Variants in SPTBN2 observed in about 807,000 individuals in gnomAD.
SPTBN2 encodes the protein spectrin beta chain, non-erythrocytic 2.
In SPTBN2, 107 loss-of-function variants were observed where a neutral mutation model predicts 284.2. That is an observed-to-expected ratio of 0.38 (90% CI 0.32 to 0.44). The LOEUF (loss-of-function observed/expected upper bound fraction) is 0.44, where lower values mean the gene tolerates loss of function less well. Among genes scored for constraint, SPTBN2 ranks in the 20% least tolerant of loss-of-function variants. The pLI is 1.00. For missense variants in SPTBN2, 2,569 were observed against 3,287.1 expected (o/e 0.78, Z 5.34); for synonymous variants, 1,289 against 1,354.8 (o/e 0.95, Z 1.07).
At position 66,691,378 on chromosome 11, in the gene SPTBN2, A is replaced by AGCT. The variant is rs1940534700; in HGVS notation, c.5468_5470dup (p.Gln1823dup). 6 of 1,597,080 alleles carry AGCT rather than the reference A, an allele frequency of 3.8e-6. No homozygotes were observed. The highest frequency in any genetic ancestry group is 5.1e-6 in the Non-Finnish European group (6 of 1,168,210). On this transcript the variant is annotated inframe_insertion, in exon 27 of 38. Transcript: ENST00000533211. This position sits in a 1 kb window ranked among gnomAD's most constrained non-coding sequence, Gnocchi z 8.0. ...GAGGTCGCGGCCAGTCCCGTCCGGA[A>AGCT]GCTGCTGCTGCTTGTGCTGCACCCG... is the stretch of plus-strand genomic sequence containing the variant.
At chr11:66,702,958 A>AC (rs1281381883) in intron 15 of SPTBN2, among the ~76,000 whole-genome samples, 1 of 151,334 alleles carries the variant, frequency 6.6e-6, no homozygotes, top group Non-Finnish European at 1.5e-5. Context: ...AAAAAAAAAA[A>AC]AACCAAAAAA....
In SPTBN2 at chr11:66,716,071, C is replaced by T. The variant is rs73505443; in HGVS notation, c.158-90G>A. The T allele has an allele frequency of 9.0e-4, 1,418 of 1,574,828 alleles. 12 individuals carry two copies. In the African/African-American group the frequency reaches 0.016, roughly 18 times the overall value. ...TTGGCAGGGGTGGGGGATGGAGAAG[C>T]CTGAGAGATGGGAAGCGGGGTCCTC... On this transcript the variant is annotated intron_variant, in intron 3 of 37. Coordinates refer to ENST00000533211, the MANE Select transcript of SPTBN2 (RefSeq NM_006946.4).
At chr11:66,730,371 C>G (rs1942788285), upstream of SPTBN2, among the ~76,000 whole-genome samples, 1 of 151,926 alleles carries the variant, frequency 6.6e-6, no homozygotes, top group African/African-American at 2.4e-5. Flanking sequence ...ATCGCGAGGT[C>G]AGGAGTTCAA....
intron 3 of SPTBN2, among the ~76,000 whole-genome samples, chr11:66,717,653 C>T (rs1400906841): frequency 6.6e-6 from 1 of 152,204 alleles, no homozygotes; most frequent in African/African-American, 2.4e-5. Context: ...GGGTCACAGG[C>T]CATTGCTGGA....
rs758723701 is a variant in SPTBN2 at position 66,700,984 on chromosome 11, G to A, written c.3115C>T (p.Arg1039Trp). Reference protein sequence around the residue: ...HPAQAVAINARLREVQTGWED... With the variant: ...HPAQAVAINAWLREVQTGWED... ...CAGCCGGTCTGCACCTCTCTCAGCC[G>A]GGCGTTGATGGCCACTGCCTGAGCG... Residue 1039 changes from arginine (R) to tryptophan (W), a missense_variant, in exon 17 of 38, where the codon CGG becomes TGG. By Grantham distance (101) the Arg-to-Trp change is moderately radical. This residue lies in a region of SPTBN2 where 1,012 missense variants were observed against 1,248.9 expected (regional missense o/e 0.81). Transcript: ENST00000533211. This position sits in a 1 kb window ranked among gnomAD's most constrained non-coding sequence, Gnocchi z 6.6. The A allele has an allele frequency of 2.2e-5, 36 of 1,606,980 alleles. No individual in the cohort carries two copies. Among genetic ancestry groups the A allele is most frequent in the African/African-American group, 1.6e-4 (12 of 74,920 alleles).
intron 15 of SPTBN2, among the ~76,000 whole-genome samples, chr11:66,702,808 G>A (rs1941315866): frequency 6.6e-6 from 1 of 151,424 alleles, no homozygotes; most frequent in Non-Finnish European, 1.5e-5. Context: ...TGTGGTGGCG[G>A]GTGCCTGTAG....
rs1235641735 is a variant in SPTBN2, at chr11:66,693,219, C to T, written c.4821G>A (p.Gln1607=). 3.1e-6 allele frequency: 5 copies of T among 1,614,140 alleles called. No homozygotes were observed. The Admixed American group carries it at 6.7e-5, about 22-fold the overall frequency. ...AAEAEAWMGE[Q]ELHMMGQEKA... The stretch of plus-strand genomic sequence containing the variant: ...TCTCCTGGCCCATCATGTGTAATTC[C>T]TGCTCGCCCATCCAGGCCTCCGCCT... The change falls in exon 24 of 38, where the codon CAG becomes CAA. Residue 1607 remains glutamine (Q), a synonymous_variant. Coordinates refer to ENST00000533211, the MANE Select transcript of SPTBN2 (RefSeq NM_006946.4). This position sits in a 1 kb window ranked among gnomAD's most constrained non-coding sequence, Gnocchi z 5.7.
Position 66,726,470 on chromosome 11 carries a change from C to G in SPTBN2, c.-114+2271G>C, listed in dbSNP as rs181242064. 1.6e-4 allele frequency among the ~76,000 whole-genome samples: 25 copies of G among 152,292 alleles called. No individual in the cohort carries two copies. In the East Asian group the frequency reaches 4.8e-3, roughly 29 times the overall value. On this transcript the variant is annotated intron_variant, in intron 1 of 37. Transcript: ENST00000533211. ...TGGGGACCACACTTTGAGGGCCACC[C>G]TTGTCCAAAGATGAGAAGCAGCTGG...
rs1940693789 is a variant in SPTBN2, at chr11:66,693,344, G to A, written c.4696C>T (p.Leu1566=). 6.2e-7 allele frequency: 1 copy of A among 1,608,280 alleles called. No homozygotes were observed. Among genetic ancestry groups the A allele is most frequent in the African/African-American group, 1.3e-5 (1 of 74,946 alleles). ...AAAAGPELAE[L]QEMWKRLGHE... ...CCCAGGCGTTTCCACATTTCCTGCA[G>A]CTCAGCCAGCTCTGGACCTGCTGCT... The change falls in exon 24 of 38, where the codon CTG becomes TTG. Residue 1566 remains leucine, a synonymous_variant. Transcript: ENST00000533211. This position sits in a 1 kb window ranked among gnomAD's most constrained non-coding sequence, Gnocchi z 5.7.
chr11:66,743,495 G>GC (rs1480704327), intron 1 of SPTBN2, among the ~76,000 whole-genome samples: 1 of 152,142 alleles, frequency 6.6e-6, no homozygotes, highest in Non-Finnish European at 1.5e-5. Flanking sequence ...TTCTCCTTGG[G>GC]CAACTCTTTG....
At chr11:66,721,554 G>T in intron 1 of SPTBN2, 114 bp from the exon 2 acceptor site, 2 of 433,738 alleles carry the variant, frequency 4.6e-6, no homozygotes, top group Non-Finnish European at 8.6e-6. Context: ...AGAGGGACGG[G>T]TTTGCGGGGT....
Position 66,715,744 on chromosome 11 carries a change from C to T in SPTBN2, c.309+86G>A, listed in dbSNP as rs1249941619. The T allele has an allele frequency of 1.2e-5, 19 of 1,559,318 alleles. No individual in the cohort carries two copies. On this transcript the variant is annotated intron_variant, in intron 4 of 37. Transcript: ENST00000533211. The surrounding 1 kb of genome is among the most constrained non-coding windows in gnomAD (Gnocchi z 5.3). Reference sequence around the variant, plus strand: ...GCCACTGCTTCCCGCCCTGTGCCGTCACTCTCTCTGAGGGCTGTTCTTCCA... The same window carrying T: ...GCCACTGCTTCCCGCCCTGTGCCGTTACTCTCTCTGAGGGCTGTTCTTCCA...
At chr11:66,720,838 G>A (rs1247118908) in intron 3 of SPTBN2, among the ~76,000 whole-genome samples, 1 of 152,126 alleles carries the variant, frequency 6.6e-6, no homozygotes, top group Non-Finnish European at 1.5e-5. Flanking sequence ...AGCTGTTTTA[G>A]TCAGCTCAGC....
At chr11:66,712,642 G>A (rs772820562) in intron 8 of SPTBN2, 1 of 152,074 alleles carries the variant, frequency 6.6e-6, no homozygotes, top group Non-Finnish European at 1.5e-5. Flanking sequence ...AAGGTCAGCT[G>A]ACTACAGGCC....
intron 7 of SPTBN2, 109 bp from the exon 8 acceptor site, chr11:66,713,855 G>C (rs536158249): frequency 1.6e-5 from 16 of 1,018,894 alleles, no homozygotes; most frequent in Middle Eastern, 5.6e-4. Context: ...ATTTTGTCCA[G>C]AAGTAGGCAT....
rs1474147566 is a variant in SPTBN2 at position 66,689,113 on chromosome 11, A to G, written c.6017T>C (p.Met2006Thr). The G allele has an allele frequency of 1.5e-5, 24 of 1,609,098 alleles. No individual in the cohort carries two copies. The highest frequency in any genetic ancestry group is 2.0e-5 in the Non-Finnish European group (24 of 1,177,662). Residue 2006 changes from methionine to threonine, a missense_variant, in exon 30 of 38, where the codon ATG becomes ACG. Coordinates refer to ENST00000533211, the MANE Select transcript of SPTBN2 (RefSeq NM_006946.4). Reference protein sequence around the residue: ...QETAEKWQEKMDWLQLVLEVL... With the variant: ...QETAEKWQEKTDWLQLVLEVL... ...CAGCTCACCCAGCTGAAGCCAGTCCATCTTCTCCTGCCACTTCTCAGCTGT... is the reference window on the plus strand; with the variant it reads ...CAGCTCACCCAGCTGAAGCCAGTCCGTCTTCTCCTGCCACTTCTCAGCTGT...
At chr11:66,701,760 C>G (rs776582073) in intron 15 of SPTBN2, 39 bp from the exon 16 acceptor site, 7 of 1,613,644 alleles carry the variant, frequency 4.3e-6, no homozygotes, top group Admixed American at 1.7e-5. Context: ...TTGTGGGAGG[C>G]AGCGATGTGC....
rs1942386777 is a variant in SPTBN2 at position 66,721,225 on chromosome 11, A to T, written c.16T>A (p.Ser6Thr). MSSTL[S>T]PTDFDSLEIQ... is the part of the protein sequence containing the mutation. Reference sequence around the variant, plus strand: ...TCCAAGCTGTCAAAGTCTGTGGGTGACAGCGTGCTGCTCATGGTGGTAGGC... The same window carrying T: ...TCCAAGCTGTCAAAGTCTGTGGGTGTCAGCGTGCTGCTCATGGTGGTAGGC... Residue 6 changes from serine (S) to threonine (T), a missense_variant, in exon 3 of 38, where the codon TCA becomes ACA. By Grantham distance (58) the Ser-to-Thr change is moderately conservative. Coordinates refer to ENST00000533211, the MANE Select transcript of SPTBN2 (RefSeq NM_006946.4). 3.7e-6 allele frequency: 6 copies of T among 1,614,088 alleles called. No individual in the cohort carries two copies. Among genetic ancestry groups the T allele is most frequent in the Non-Finnish European group, 5.1e-6 (6 of 1,180,006 alleles).
chr11:66,692,521 C>T lies in SPTBN2; in HGVS notation c.5190+15G>A, dbSNP rs1321505852. ...CCCACGGTTGATCTGAGCTGGGTGC[C>T]CTCCCTACACTCACAGTCACATGCT... On this transcript the variant is annotated intron_variant, in intron 26 of 37. Coordinates refer to ENST00000533211, the MANE Select transcript of SPTBN2 (RefSeq NM_006946.4). 1.2e-6 allele frequency: 2 copies of T among 1,600,218 alleles called. No homozygotes were observed. The highest frequency in any genetic ancestry group is 2.2e-5 in the East Asian group (1 of 44,856).
Sources: gnomAD v4.1 joint callset for allele counts (sites outside exome capture counted in the v4.1 genomes callset) on GRCh38, gnomAD v4.1.1 for gene constraint, gnomAD v4.1.1 regional missense constraint, Gnocchi (gnomAD v3.1) non-coding constraint, MANE v1.5 for transcripts, NCBI Gene and HGNC (gene_info 2026-07-23, HGNC 2026-07-21) for gene names.